DOK6: variants seen among roughly 807,000 people sequenced by gnomAD.
The protein encoded by DOK6 is downstream of tyrosine kinase 6.
DOK6 carries 22 observed loss-of-function variants against 44.0 expected under a neutral mutation model. The ratio of observed to expected loss-of-function variants is 0.50; its 90% CI spans 0.36 to 0.71. The LOEUF (loss-of-function observed/expected upper bound fraction) is 0.71. DOK6 is among the 30% of genes least tolerant of loss of function. DOK6 has a pLI of 0.00. For synonymous variants in DOK6, 166 were observed against 145.5 expected (o/e 1.14, Z -1.01); for missense variants, 340 against 416.4 (o/e 0.82, Z 1.60).
intron 1 of DOK6, among the ~76,000 whole-genome samples, chr18:69,420,765 G>A (rs371881858): frequency 6.6e-6 from 1 of 152,142 alleles, no homozygotes; most frequent in East Asian, 1.9e-4. Flanking sequence ...TCATGACAGT[G>A]TATTCCACCC....
At chr18:69,623,573 C>T (rs1599227623) in intron 3 of DOK6, among the ~76,000 whole-genome samples, 1 of 152,256 alleles carries the variant, frequency 6.6e-6, no homozygotes, top group Non-Finnish European at 1.5e-5. Context: ...GAAAGTAAGG[C>T]AATGTAGGGC....
intron 1 of DOK6, among the ~76,000 whole-genome samples, chr18:69,484,915 A>T (rs185668917): frequency 6.6e-6 from 1 of 152,290 alleles, no homozygotes; most frequent in East Asian, 1.9e-4. Flanking sequence ...ACTTGTTTAT[A>T]GTTAAGAGAG....
intron 1 of DOK6, among the ~76,000 whole-genome samples, chr18:69,500,798 A>G (rs1981027574): frequency 6.6e-6 from 1 of 152,194 alleles, no homozygotes; most frequent in Non-Finnish European, 1.5e-5. Flanking sequence ...AGTTTGACAA[A>G]TATAATAAAT....
chr18:69,739,715 C>T (rs1182145620), intron 6 of DOK6, among the ~76,000 whole-genome samples: 2 of 152,026 alleles, frequency 1.3e-5, no homozygotes, highest in Admixed American at 1.3e-4. Flanking sequence ...TAATTATAAG[C>T]TTTATTACTA....
chr18:69,657,129 T>C (rs529271370), intron 3 of DOK6, among the ~76,000 whole-genome samples: 59 of 152,350 alleles, frequency 3.9e-4, no homozygotes, highest in African/African-American at 1.4e-3. Flanking sequence ...CCTAGTTATA[T>C]ACTTTTTACA....
chr18:69,728,087 C>T (rs1298657118), intron 5 of DOK6, among the ~76,000 whole-genome samples: 2 of 152,188 alleles, frequency 1.3e-5, no homozygotes, highest in Non-Finnish European at 2.9e-5. Flanking sequence ...CCACTGAAAC[C>T]CCTGATCCTG....
chr18:69,622,200 T>G (rs999446000), intron 3 of DOK6, among the ~76,000 whole-genome samples: 2 of 152,220 alleles, frequency 1.3e-5, no homozygotes, highest in South Asian at 2.1e-4. Context: ...CACATCTTAT[T>G]AGCTTATAAG....
intron 4 of DOK6, among the ~76,000 whole-genome samples, chr18:69,695,881 G>T (rs1026207739): frequency 1.3e-5 from 2 of 152,294 alleles, no homozygotes; most frequent in East Asian, 3.9e-4. Flanking sequence ...AACAAGAAGG[G>T]TTGACTTGAG....
chr18:69,815,212 G>A (rs1221000834), intron 7 of DOK6, among the ~76,000 whole-genome samples: 10 of 152,268 alleles, frequency 6.6e-5, no homozygotes, highest in East Asian at 3.9e-4. Context: ...ACATCCTCCT[G>A]TGAGATAAGA....
At chr18:69,550,011 A>G (rs114091364) in intron 1 of DOK6, among the ~76,000 whole-genome samples, 2,458 of 151,252 alleles carry the variant, frequency 0.016, 80 homozygotes, top group African/African-American at 0.056. Context: ...TACTTTAGAA[A>G]TGTTAATTTT....
chr18:69,800,550 G>A (rs140884677), intron 7 of DOK6, among the ~76,000 whole-genome samples: 8 of 152,044 alleles, frequency 5.3e-5, no homozygotes, highest in Admixed American at 3.9e-4. Flanking sequence ...TGGTTATTTG[G>A]GGGGAAAAGG....
intron 1 of DOK6, among the ~76,000 whole-genome samples, chr18:69,403,588 A>G (rs1916143784): frequency 6.6e-6 from 1 of 152,250 alleles, no homozygotes; most frequent in African/African-American, 2.4e-5. Flanking sequence ...TCAAAGTTAG[A>G]TATTGAAACA....
At chr18:69,761,034 G>A (rs566510723) in intron 7 of DOK6, among the ~76,000 whole-genome samples, 1 of 72,306 alleles carries the variant, frequency 1.4e-5, no homozygotes, top group Admixed American at 1.4e-4. Flanking sequence ...GGCTGGCTGT[G>A]ACCAATTATT....
chr18:69,531,935 G>T (rs1445712501), intron 1 of DOK6, among the ~76,000 whole-genome samples: 1 of 152,144 alleles, frequency 6.6e-6, no homozygotes, highest in East Asian at 1.9e-4. Context: ...TCTTTGGGAG[G>T]TGATTTTATT....
intron 2 of DOK6, among the ~76,000 whole-genome samples, chr18:69,591,649 G>C (rs191426918): frequency 6.6e-6 from 1 of 152,066 alleles, no homozygotes; most frequent in East Asian, 1.9e-4. Context: ...TATTGGGAAG[G>C]TTTGCATAAC....
At chr18:69,742,072 G>A (rs1978820460) in intron 6 of DOK6, among the ~76,000 whole-genome samples, 1 of 152,150 alleles carries the variant, frequency 6.6e-6, no homozygotes. Flanking sequence ...TCCATAGTCT[G>A]AATTAGGACA....
chr18:69,803,755 A>T (rs979320930), intron 7 of DOK6, among the ~76,000 whole-genome samples: 1 of 152,088 alleles, frequency 6.6e-6, no homozygotes, highest in Admixed American at 6.6e-5. Context: ...GCTACTCGGG[A>T]GGCTGAGGCA....
intron 5 of DOK6, among the ~76,000 whole-genome samples, chr18:69,736,428 T>C (rs925442916): frequency 6.6e-6 from 1 of 152,296 alleles, no homozygotes; most frequent in South Asian, 2.1e-4. Flanking sequence ...ACCTTAGAGA[T>C]TATATTATCC....
intron 1 of DOK6, among the ~76,000 whole-genome samples, chr18:69,448,354 A>AT (rs1169360995): frequency 3.9e-5 from 6 of 151,934 alleles, no homozygotes; most frequent in African/African-American, 1.5e-4. Flanking sequence ...TCCCAAATTG[A>AT]TTCTTTTTTT....
Sources: gnomAD v4.1 joint callset for allele counts (sites outside exome capture counted in the v4.1 genomes callset) on GRCh38, gnomAD v4.1.1 for gene constraint, MANE v1.5 for transcripts, NCBI Gene and HGNC (gene_info 2026-07-23, HGNC 2026-07-21) for gene names.